The following MARCHF11 variants were observed in gnomAD, a reference collection of about 807,000 sequenced individuals.
MARCHF11 encodes the protein E3 ubiquitin-protein ligase MARCHF11.
MARCHF11 carries 29 observed loss-of-function variants against 37.3 expected under a neutral mutation model. That is an observed-to-expected ratio of 0.78 (90% confidence interval 0.58 to 1.06). The LOEUF (loss-of-function observed/expected upper bound fraction) is 1.06. MARCHF11 is among the 50% of genes least tolerant of loss of function. The pLI, the probability that MARCHF11 is intolerant of heterozygous loss-of-function variation, is 0.00. For missense variants in MARCHF11, 482 were observed against 533.4 expected (o/e 0.90, Z 0.95); for synonymous variants, 233 against 228.0 (o/e 1.02, Z -0.20).
chr5:16,079,016 G>A (rs563816767), intron 3 of MARCHF11, among the ~76,000 whole-genome samples: 2 of 152,244 alleles, frequency 1.3e-5, no homozygotes, highest in Admixed American at 6.5e-5. Flanking sequence ...AAAGCCATGG[G>A]AGATGTGTCC....
At chr5:16,090,333 T>C (rs1736771278) in intron 3 of MARCHF11, among the ~76,000 whole-genome samples, 1 of 152,200 alleles carries the variant, frequency 6.6e-6, no homozygotes, top group Non-Finnish European at 1.5e-5. Context: ...TTCGATACTT[T>C]TTCTCTTCTA....
rs897701850 is a variant in MARCHF11 at position 16,067,339 on chromosome 5, A to G, written c.*132T>C. ...TCAGAAAAATGTATTTGCAATTCAA[A>G]TGTTCATATAAAAAGCATAAATTTT... is the stretch of plus-strand genomic sequence containing the variant. On this transcript the variant is annotated 3_prime_UTR_variant, in exon 4 of 4. Transcript: ENST00000332432. The G allele has an allele frequency of 1.3e-6, 1 of 778,238 alleles. No homozygotes were observed. The highest frequency in any genetic ancestry group is 2.0e-6 in the Non-Finnish European group (1 of 491,258). The allele number at this position is 778,238 out of a possible 1,614,324, so 48.2% of individuals were successfully genotyped here.
At chr5:16,118,495 C>T (rs1320279057) in intron 2 of MARCHF11, among the ~76,000 whole-genome samples, 1 of 152,062 alleles carries the variant, frequency 6.6e-6, no homozygotes, top group African/African-American at 2.4e-5. Flanking sequence ...GATCGGAGAA[C>T]AAGAAGGTTT....
chr5:16,098,984 A>G (rs115619846), intron 2 of MARCHF11, among the ~76,000 whole-genome samples: 3,886 of 152,234 alleles, frequency 0.026, 167 homozygotes, highest in African/African-American at 0.089. Flanking sequence ...AAAAGTTGGC[A>G]TGTTCTTGTT....
intron 2 of MARCHF11, among the ~76,000 whole-genome samples, chr5:16,109,483 G>T (rs1360735402): frequency 6.6e-6 from 1 of 152,236 alleles, no homozygotes; most frequent in African/African-American, 2.4e-5. Context: ...CCCGGAGGAT[G>T]GTGCCCGGAG....
chr5:16,129,024 T>C (rs1424204676), intron 2 of MARCHF11, among the ~76,000 whole-genome samples: 2 of 152,226 alleles, frequency 1.3e-5, no homozygotes, highest in Non-Finnish European at 2.9e-5. Context: ...TATATTTTTA[T>C]GCAAAGAAGT....
rs551350689 is a variant in MARCHF11, at chr5:16,133,602, CA to C, written c.694-42522del. On this transcript the variant is annotated intron_variant, in intron 2 of 3. Coordinates refer to ENST00000332432, the MANE Select transcript of MARCHF11 (RefSeq NM_001102562.3). ...GCTAACTAACTTACATAAATAGAAA[CA>C]AAAAATGTTACATGCACATGCTCTT... Among the ~76,000 whole-genome samples, 25 of 152,106 alleles carry C rather than the reference CA, an allele frequency of 1.6e-4. No individual in the cohort carries two copies. In the East Asian group the frequency reaches 4.8e-3, roughly 29 times the overall value.
chr5:16,086,470 T>A (rs1005082054), intron 3 of MARCHF11, among the ~76,000 whole-genome samples: 1 of 152,194 alleles, frequency 6.6e-6, no homozygotes, highest in Non-Finnish European at 1.5e-5. Flanking sequence ...GCAATCCGTG[T>A]TTTTAAGTGT....
chr5:16,138,820 G>A (rs1737654918), intron 2 of MARCHF11, among the ~76,000 whole-genome samples: 2 of 152,170 alleles, frequency 1.3e-5, no homozygotes, highest in African/African-American at 2.4e-5. Context: ...TGACTGCCCT[G>A]ATGGATTTTG....
In MARCHF11 at chr5:16,147,509, T is replaced by A. The variant is rs983806966; in HGVS notation, c.693+30217A>T. The stretch of plus-strand genomic sequence containing the variant: ...TTAAATCATGCCCTCAACTATGAAA[T>A]CACTTGTAAGATAATAGTAGGTCCT... On this transcript the variant is annotated intron_variant, in intron 2 of 3. Transcript: ENST00000332432. Among the ~76,000 whole-genome samples the A allele has an allele frequency of 3.3e-5, 5 of 152,116 alleles. 1 individual carries two copies. The highest frequency in any genetic ancestry group is 1.2e-4 in the African/African-American group (5 of 41,428).
Position 16,067,663 on chromosome 5 carries a change from G to A in MARCHF11, c.1017C>T (p.Ser339=). ...DIEESSRGES[S]TSRTLWLPLT... The stretch of plus-strand genomic sequence containing the variant: ...ATGGCAACCACAAAGTCCTACTTGT[G>A]GAAGACTCTCCCCGGCTGCTTTCTT... The change falls in exon 4 of 4, where the codon TCC becomes TCT. Residue 339 remains serine, a synonymous_variant. Coordinates refer to ENST00000332432, the MANE Select transcript of MARCHF11 (RefSeq NM_001102562.3). The A allele has an allele frequency of 6.2e-7, 1 of 1,613,934 alleles. No homozygotes were observed. The highest frequency in any genetic ancestry group is 1.1e-5 in the South Asian group (1 of 91,078).
chr5:16,176,767 A>ATTGGT (rs2126613142), intron 2 of MARCHF11, among the ~76,000 whole-genome samples: 2 of 152,284 alleles, frequency 1.3e-5, no homozygotes, highest in African/African-American at 4.8e-5. Context: ...AATAAAAACT[A>ATTGGT]AATTGGGTGA....
At chr5:16,158,764 T>C (rs1738025182) in intron 2 of MARCHF11, among the ~76,000 whole-genome samples, 1 of 151,908 alleles carries the variant, frequency 6.6e-6, no homozygotes, top group African/African-American at 2.4e-5. Context: ...GTTACATAGG[T>C]AAAAGTGTGC....
chr5:16,109,300 G>C (rs1272565032), intron 2 of MARCHF11, among the ~76,000 whole-genome samples: 1 of 152,156 alleles, frequency 6.6e-6, no homozygotes, highest in Non-Finnish European at 1.5e-5. Context: ...TGATTACAGG[G>C]CTAATGTTTT....
At chr5:16,141,509 T>TA (rs1737707407) in intron 2 of MARCHF11, 1 of 152,138 alleles carries the variant, frequency 6.6e-6, no homozygotes, top group African/African-American at 2.4e-5. Flanking sequence ...TGGAAACTGA[T>TA]AAACTGCAAA....
At chr5:16,140,692 T>TA (rs1390451231) in intron 2 of MARCHF11, among the ~76,000 whole-genome samples, 14 of 152,146 alleles carry the variant, frequency 9.2e-5, no homozygotes, top group Non-Finnish European at 2.1e-4. Context: ...GTTCTCAACA[T>TA]AAAAAATCTT....
At chr5:16,129,347 T>C (rs763774961) in intron 2 of MARCHF11, 1 of 152,190 alleles carries the variant, frequency 6.6e-6, no homozygotes, top group Non-Finnish European at 1.5e-5. Context: ...TTCTCATGAT[T>C]AGCAGTGTTT....
In MARCHF11 at chr5:16,179,492, C is replaced by T; in HGVS notation, c.84G>A (p.Pro28=). The change falls in exon 1 of 4, where the codon CCG becomes CCA. Residue 28 remains proline (P), a synonymous_variant. Transcript: ENST00000332432. ...GDAEPPPQPP[P]PPPPTPPPGE... ...CCGGCGGCGGCGTCGGCGGCGGCGGCGGGGGAGGTTGCGGGGGAGGCTCGG... is the reference window on the plus strand; with the variant it reads ...CCGGCGGCGGCGTCGGCGGCGGCGGTGGGGGAGGTTGCGGGGGAGGCTCGG... 1 of 1,149,144 alleles carries T rather than the reference C, an allele frequency of 8.7e-7. No homozygotes were observed. 71.2% of individuals were successfully genotyped at this position (1,149,144 alleles called of 1,614,324 possible).
Position 16,067,882 on chromosome 5 carries a change from ATAGT to A in MARCHF11, c.887-93_887-90del, listed in dbSNP as rs1468158375. On this transcript the variant is annotated intron_variant, in intron 3 of 3. Coordinates refer to ENST00000332432, the MANE Select transcript of MARCHF11 (RefSeq NM_001102562.3). The stretch of plus-strand genomic sequence containing the variant: ...TTGTATACAAGTAAGGGATCCAAAA[ATAGT>A]TATGTTATTCATCATCAGCAAAAAT... The A allele has an allele frequency of 9.5e-6, 11 of 1,153,260 alleles. No homozygotes were observed. The African/African-American group carries it at 1.6e-4, about 16-fold the overall frequency. 71.4% of individuals were successfully genotyped at this position (1,153,260 alleles called of 1,614,324 possible). A position where few individuals can be genotyped will look rare whatever the true frequency, so the allele number is the denominator to read the frequency against.
Sources: allele counts gnomAD v4.1 joint callset (sites outside exome capture counted in the v4.1 genomes callset), GRCh38; gene constraint gnomAD v4.1.1; transcripts MANE v1.5; gene names NCBI Gene and HGNC (gene_info 2026-07-23, HGNC 2026-07-21).